VRK3: variants seen among roughly 807,000 people sequenced by gnomAD.
VRK3 encodes VRK serine/threonine kinase 3.
Under a neutral mutation model 60.4 loss-of-function variants are expected in VRK3, and 50 were observed. The observed-to-expected ratio is 0.83, with a 90% CI of 0.66 to 1.05. The LOEUF is 1.05. Ranked by LOEUF, VRK3 falls within the 50% of genes least tolerant of loss-of-function variation. The probability of loss-of-function intolerance (pLI) is 0.00; values close to 1 mark genes in which losing one functional copy is unlikely to be tolerated. For missense variants in VRK3, 549 were observed against 585.3 expected (o/e 0.94, Z 0.64); for synonymous variants, 246 against 227.8 (o/e 1.08, Z -0.72).
intron 3 of VRK3, among the ~76,000 whole-genome samples, chr19:50,010,553 GGGGAC>G (rs2076977509): frequency 6.6e-6 from 1 of 152,184 alleles, no homozygotes; most frequent in South Asian, 2.1e-4. Flanking sequence ...TTGCATTTTG[GGGGAC>G]CACACAGATC....
At chr19:50,013,645 A>T (rs1311191223) in intron 3 of VRK3, among the ~76,000 whole-genome samples, 1 of 152,214 alleles carries the variant, frequency 6.6e-6, no homozygotes, top group Non-Finnish European at 1.5e-5. Context: ...AGCAAGACCT[A>T]CTACTGATAT....
chr19:49,995,883 G>C (rs1014057009), intron 7 of VRK3, among the ~76,000 whole-genome samples: 3 of 151,950 alleles, frequency 2.0e-5, no homozygotes, highest in Non-Finnish European at 4.4e-5. Flanking sequence ...CATGTAGCTG[G>C]GATTGCAGGC....
At chr19:49,980,738 C>T (rs570642639) in intron 13 of VRK3, among the ~76,000 whole-genome samples, 3 of 151,678 alleles carry the variant, frequency 2.0e-5, no homozygotes, top group East Asian at 3.9e-4. Flanking sequence ...AAAAAAATTA[C>T]CCTGTCTTCA....
chr19:49,992,318 C>T (rs1568784583), intron 10 of VRK3, among the ~76,000 whole-genome samples: 1 of 152,212 alleles, frequency 6.6e-6, no homozygotes, highest in Admixed American at 6.5e-5. Context: ...GACAGAGAAT[C>T]GCTTGAACCC....
intron 3 of VRK3, among the ~76,000 whole-genome samples, chr19:50,014,725 A>G (rs1254814838): frequency 6.6e-6 from 1 of 152,178 alleles, no homozygotes; most frequent in African/African-American, 2.4e-5. Context: ...CCAGGAGGCC[A>G]GTGTGGCTGG....
chr19:49,995,381 G>T, intron 7 of VRK3, 106 bp from the exon 8 acceptor site: 1 of 987,400 alleles, frequency 1.0e-6, no homozygotes, highest in Non-Finnish European at 1.6e-6. Context: ...CCGCCTCCAA[G>T]TCTCCTTGTT....
intron 12 of VRK3, 83 bp from the exon 13 acceptor site, chr19:49,981,096 CAGCCTAAGATATATACA>C: frequency 9.3e-7 from 1 of 1,079,948 alleles, no homozygotes; most frequent in Non-Finnish European, 1.2e-6. Context: ...GATATATACA[CAGCCTAAGATATATACA>C]CAGTCCCCTC....
Position 49,997,520 on chromosome 19 carries a change from G to A in VRK3, c.663C>T (p.Ala221=), listed in dbSNP as rs144118835. ...LFNEQNFFQR[A]AKPLQVNKWK... Reference sequence around the variant, plus strand: ...GTCAGGTACCTTGCAGAGGCTTGGCGGCCCGCTGGAAGAAGTTCTGCTCAT... The same window carrying A: ...GTCAGGTACCTTGCAGAGGCTTGGCAGCCCGCTGGAAGAAGTTCTGCTCAT... Residue 221 remains alanine, a synonymous_variant, in exon 7 of 15, where the codon GCC becomes GCT. Coordinates refer to ENST00000316763, the MANE Select transcript of VRK3 (RefSeq NM_016440.4). 1.2e-5 allele frequency: 20 copies of A among 1,613,874 alleles called. No individual in the cohort carries two copies. Among genetic ancestry groups the A allele is most frequent in the East Asian group, 6.7e-5 (3 of 44,868 alleles).
intron 12 of VRK3, chr19:49,982,030 G>A: frequency 1.5e-6 from 1 of 666,466 alleles, no homozygotes; most frequent in East Asian, 2.7e-5. Context: ...TCAAAGGGAG[G>A]GAGGTGGTCC....
chr19:49,992,215 C>T (rs2076623761), intron 10 of VRK3, among the ~76,000 whole-genome samples: 1 of 152,228 alleles, frequency 6.6e-6, no homozygotes, highest in Admixed American at 6.5e-5. Flanking sequence ...CGAGGCCAGC[C>T]TGACCAACAT....
At position 49,988,546 on chromosome 19, in the gene VRK3, G is replaced by T; in HGVS notation, c.1097-54C>A. 3 of 1,593,334 alleles carry T rather than the reference G, an allele frequency of 1.9e-6. No individual in the cohort carries two copies. The South Asian group carries it at 3.4e-5, about 18-fold the overall frequency. On this transcript the variant is annotated intron_variant, in intron 11 of 14. Transcript: ENST00000316763. Reference sequence around the variant, plus strand: ...TCAAGTCTGGACGCTCCACTCACTGGTGGGTCCACCCCCCTTCCTTCCCCT... The same window carrying T: ...TCAAGTCTGGACGCTCCACTCACTGTTGGGTCCACCCCCCTTCCTTCCCCT...
At chr19:49,981,633 A>G (rs2123005959) in intron 12 of VRK3, 1 of 820,892 alleles carries the variant, frequency 1.2e-6, no homozygotes, top group East Asian at 1.2e-4. Context: ...TTGATTCATT[A>G]GCATTGAACT....
At chr19:50,011,496 C>T (rs1187423842) in intron 3 of VRK3, among the ~76,000 whole-genome samples, 2 of 152,200 alleles carry the variant, frequency 1.3e-5, no homozygotes, top group South Asian at 4.1e-4. Flanking sequence ...ATTTTCCACA[C>T]AGAGAAGCCA....
intron 10 of VRK3, among the ~76,000 whole-genome samples, chr19:49,990,266 T>C (rs1555844417): frequency 6.6e-6 from 1 of 152,232 alleles, no homozygotes; most frequent in Non-Finnish European, 1.5e-5. Context: ...TCTCCATTTG[T>C]AAAATGATGA....
intron 6 of VRK3, chr19:49,997,787 G>A (rs946822217): frequency 1.8e-5 from 9 of 511,684 alleles, no homozygotes; most frequent in Non-Finnish European, 1.4e-5. Context: ...TATGGTAAGA[G>A]CCACAGTGTT....
Position 50,000,815 on chromosome 19 carries a change from T to G in VRK3, c.587A>C (p.Gln196Pro). The G allele has an allele frequency of 6.2e-7, 1 of 1,613,924 alleles. No individual in the cohort carries two copies. Among genetic ancestry groups the G allele is most frequent in the Non-Finnish European group, 8.5e-7 (1 of 1,179,910 alleles). Reference protein sequence around the residue: ...TSTLTCDSGPQKQKFSLKLDA... With the variant: ...TSTLTCDSGPPKQKFSLKLDA... ...CAGTTTGAGTGAGAACTTTTGCTTC[T>G]GTGGTCCTGAGTCACAGGTGAGGGT... Residue 196 changes from glutamine (Q) to proline (P), a missense_variant, in exon 6 of 15, where the codon CAG (glutamine) becomes CCG (proline). Coordinates refer to ENST00000316763, the MANE Select transcript of VRK3 (RefSeq NM_016440.4).
chr19:49,997,682 C>G (rs970807681), intron 6 of VRK3, 112 bp from the exon 7 acceptor site: 1 of 1,228,750 alleles, frequency 8.1e-7, no homozygotes, highest in African/African-American at 1.5e-5. Context: ...CTCATCAAGT[C>G]CCCACATCGG....
chr19:50,004,221 T>G lies in VRK3; in HGVS notation c.547+3348A>C, dbSNP rs74346427. 8.3e-3 allele frequency among the ~76,000 whole-genome samples: 1,265 copies of G among 152,184 alleles called. 17 individuals are homozygous for G. Among genetic ancestry groups the G allele is most frequent in the African/African-American group, 0.029 (1,214 of 41,512 alleles). On this transcript the variant is annotated intron_variant, in intron 5 of 14. Transcript: ENST00000316763. ...TCTGGGGGAGGTCAAGCGTGGTTTC[T>G]TCTCTCAGGAGCTCCTGGCTCTGTG...
Position 50,007,633 on chromosome 19 carries a change from C to T in VRK3, c.483G>A (p.Lys161=). The T allele has an allele frequency of 6.2e-7, 1 of 1,614,230 alleles. No homozygotes were observed. Among genetic ancestry groups the T allele is most frequent in the Non-Finnish European group, 8.5e-7 (1 of 1,180,050 alleles). ...ACTTCAGCTTCCACTGTCGCCCACT[C>T]TTGTCTGTCAGCACTGTCCCTGTGG... ...ALPTGTVLTD[K]SGRQWKLKSF... The change falls in exon 5 of 15, where the codon AAG becomes AAA. Residue 161 remains lysine (K), a synonymous_variant. Transcript: ENST00000316763.
Sources: allele counts gnomAD v4.1 joint callset (sites outside exome capture counted in the v4.1 genomes callset), GRCh38; gene constraint gnomAD v4.1.1; transcripts MANE v1.5; gene names NCBI Gene and HGNC (gene_info 2026-07-23, HGNC 2026-07-21).